FTO: variants seen among roughly 807,000 people sequenced by gnomAD.
FTO encodes the protein FTO alpha-ketoglutarate dependent dioxygenase.
In FTO, 47 loss-of-function variants were observed where a neutral mutation model predicts 63.9. The ratio of observed to expected loss-of-function variants is 0.74; its 90% CI spans 0.58 to 0.94. The LOEUF (loss-of-function observed/expected upper bound fraction) is 0.94. FTO is among the 40% of genes least tolerant of loss of function. The pLI, the probability that FTO is intolerant of heterozygous loss-of-function variation, is 0.00. For missense variants in FTO, 562 were observed against 618.1 expected, an observed-to-expected ratio of 0.91 and a Z score of 0.96; for synonymous variants, 207 against 224.4, an observed-to-expected ratio of 0.92 and a Z score of 0.69.
At chr16:53,924,643 T>G (rs1488108026) in intron 7 of FTO, among the ~76,000 whole-genome samples, 1 of 152,106 alleles carries the variant, frequency 6.6e-6, no homozygotes, top group East Asian at 1.9e-4. Flanking sequence ...GACAGCAGCC[T>G]TAAGTAGTCC....
At chr16:53,934,599 T>C (rs961372043) in intron 8 of FTO, among the ~76,000 whole-genome samples, 4 of 152,176 alleles carry the variant, frequency 2.6e-5, no homozygotes, top group Non-Finnish European at 4.4e-5. Flanking sequence ...CCCGCAAACC[T>C]TGATGACATA....
At chr16:53,717,399 A>G (rs2075919208) in intron 1 of FTO, among the ~76,000 whole-genome samples, 1 of 152,058 alleles carries the variant, frequency 6.6e-6, no homozygotes, top group South Asian at 2.1e-4. Flanking sequence ...ATTTCCTCCC[A>G]CCATTTATAT....
intron 7 of FTO, among the ~76,000 whole-genome samples, chr16:53,922,356 C>A (rs543301069): frequency 6.6e-6 from 1 of 152,224 alleles, no homozygotes; most frequent in African/African-American, 2.4e-5. Context: ...GTTGTTAGCT[C>A]ATTTTAGCAG....
Position 53,876,690 on chromosome 16 carries a change from G to A in FTO, c.975+2825G>A, listed in dbSNP as rs575081262. ...GCCTGTAATCCCAGCACTTTAGGAGGCCGAGGTGAGTGGATCACTTGAGGC... is the reference window on the plus strand; with the variant it reads ...GCCTGTAATCCCAGCACTTTAGGAGACCGAGGTGAGTGGATCACTTGAGGC... On this transcript the variant is annotated intron_variant, in intron 5 of 8. Transcript: ENST00000471389. Among the ~76,000 whole-genome samples, 9 of 152,326 alleles carry A rather than the reference G, an allele frequency of 5.9e-5. No individual in the cohort carries two copies. In the East Asian group the frequency reaches 1.7e-3, roughly 29 times the overall value.
intron 1 of FTO, among the ~76,000 whole-genome samples, chr16:53,721,291 C>T (rs775315099): frequency 3.3e-5 from 5 of 152,064 alleles, no homozygotes; most frequent in South Asian, 2.1e-4. Flanking sequence ...TGCAGAAGAG[C>T]GGCTAGAGAC....
chr16:54,084,339 G>A (rs367653675), intron 8 of FTO, among the ~76,000 whole-genome samples: 1 of 152,106 alleles, frequency 6.6e-6, no homozygotes, highest in Non-Finnish European at 1.5e-5. Flanking sequence ...CTTTTCCAAG[G>A]ACAAATGTGT....
At chr16:54,102,801 C>G (rs2086666461) in intron 8 of FTO, among the ~76,000 whole-genome samples, 1 of 152,124 alleles carries the variant, frequency 6.6e-6, no homozygotes, top group South Asian at 2.1e-4. Context: ...AGGAAGGACT[C>G]TCTAATTATG....
chr16:53,866,413 CCCTGTGTTA>C (rs1010703836), intron 4 of FTO, among the ~76,000 whole-genome samples: 7 of 152,178 alleles, frequency 4.6e-5, no homozygotes, highest in African/African-American at 1.7e-4. Flanking sequence ...TGGAAGTATT[CCCTGTGTTA>C]CCTTCTAGTA....
intron 3 of FTO, among the ~76,000 whole-genome samples, chr16:53,835,524 G>T (rs993502693): frequency 6.6e-6 from 1 of 152,028 alleles, no homozygotes; most frequent in Admixed American, 6.6e-5. Context: ...TAGTGACATT[G>T]CATTACTGTC....
At position 54,059,368 on chromosome 16, in the gene FTO, C is replaced by G. The variant is rs75625712; in HGVS notation, c.1365-52394C>G. On this transcript the variant is annotated intron_variant, in intron 8 of 8. Coordinates refer to ENST00000471389, the MANE Select transcript of FTO (RefSeq NM_001080432.3). ...TTCACCTAGTCATCTCTTTGCAGGG[C>G]CTTTATTTTCCCTCTTGGTGACATT... 1.7e-3 allele frequency among the ~76,000 whole-genome samples: 264 copies of G among 152,224 alleles called. 7 individuals carry two copies. In the East Asian group the frequency reaches 0.042, roughly 24 times the overall value.
chr16:53,706,565 GA>G (rs1178547425), intron 1 of FTO, among the ~76,000 whole-genome samples: 5 of 152,050 alleles, frequency 3.3e-5, no homozygotes, highest in African/African-American at 1.2e-4. Flanking sequence ...TCAGCGTAAT[GA>G]TTTTTTTTTC....
intron 7 of FTO, 122 bp from the exon 8 acceptor site, chr16:53,933,863 A>C: frequency 2.1e-6 from 2 of 968,374 alleles, no homozygotes; most frequent in Non-Finnish European, 3.1e-6. Context: ...TACTGCATTG[A>C]TTTGTTAGCA....
At chr16:53,806,100 G>A (rs541529319) in intron 1 of FTO, among the ~76,000 whole-genome samples, 14 of 152,296 alleles carry the variant, frequency 9.2e-5, no homozygotes, top group African/African-American at 3.4e-4. Flanking sequence ...TTTTACTGTG[G>A]TTGGCATTTG....
chr16:53,755,289 G>A (rs1389656187), intron 1 of FTO, among the ~76,000 whole-genome samples: 1 of 152,162 alleles, frequency 6.6e-6, no homozygotes, highest in East Asian at 1.9e-4. Flanking sequence ...AGGCGATTGG[G>A]CTGCAGGGCT....
chr16:54,066,315 A>G lies in FTO; in HGVS notation c.1365-45447A>G, dbSNP rs1342562387. Reference sequence around the variant, plus strand: ...GAGGCTGACTGGCTTTCTTGGGGACATGGCAGCTGACAAGTGACACAACTG... The same window carrying G: ...GAGGCTGACTGGCTTTCTTGGGGACGTGGCAGCTGACAAGTGACACAACTG... On this transcript the variant is annotated intron_variant, in intron 8 of 8. Transcript: ENST00000471389. Among the ~76,000 whole-genome samples the G allele has an allele frequency of 2.0e-5, 3 of 152,278 alleles. No homozygotes were observed. In the East Asian group the frequency reaches 5.8e-4, roughly 29 times the overall value.
At chr16:53,796,758 T>C (rs900753048) in intron 1 of FTO, among the ~76,000 whole-genome samples, 1 of 152,214 alleles carries the variant, frequency 6.6e-6, no homozygotes, top group Non-Finnish European at 1.5e-5. Context: ...CAAATTTAAG[T>C]AATCCTTACT....
intron 8 of FTO, among the ~76,000 whole-genome samples, chr16:53,962,169 CATAGAAG>C (rs1444028474): frequency 6.6e-6 from 1 of 152,140 alleles, no homozygotes; most frequent in East Asian, 1.9e-4. Context: ...TGGTAGATTG[CATAGAAG>C]ATCATTTCTT....
chr16:54,078,428 T>C (rs2086054177), intron 8 of FTO, among the ~76,000 whole-genome samples: 1 of 147,810 alleles, frequency 6.8e-6, no homozygotes, highest in South Asian at 2.1e-4. Context: ...AAATATATAT[T>C]TGCACACACA....
chr16:54,081,316 A>C (rs561753371), intron 8 of FTO, among the ~76,000 whole-genome samples: 1 of 152,168 alleles, frequency 6.6e-6, no homozygotes, highest in Non-Finnish European at 1.5e-5. Context: ...ATAGTTTCTC[A>C]CTGTGTCCTA....
Sources: allele counts gnomAD v4.1 joint callset (sites outside exome capture counted in the v4.1 genomes callset), GRCh38; gene constraint gnomAD v4.1.1; transcripts MANE v1.5; gene names NCBI Gene and HGNC (gene_info 2026-07-23, HGNC 2026-07-21).